The following SLC30A6 variants were observed in gnomAD, a reference collection of about 807,000 sequenced individuals.
The protein encoded by SLC30A6 is zinc transporter 6.
In SLC30A6, 55 loss-of-function variants were observed where a neutral mutation model predicts 63.0. That is an observed-to-expected ratio of 0.87 (90% CI 0.70 to 1.09). The LOEUF is 1.09. Ranked by LOEUF, SLC30A6 falls within the 50% of genes least tolerant of loss-of-function variation. SLC30A6 has a pLI of 0.00. For missense variants in SLC30A6, 587 were observed against 549.2 expected (o/e 1.07, Z -0.69); for synonymous variants, 224 against 186.1 (o/e 1.20, Z -1.66).
chr2:32,212,339 C>G (rs1216002303), intron 13 of SLC30A6, among the ~76,000 whole-genome samples: 1 of 151,888 alleles, frequency 6.6e-6, no homozygotes, highest in Non-Finnish European at 1.5e-5. Flanking sequence ...GTAGTTTTAT[C>G]TGTCTGGTGA....
chr2:32,182,422 T>C (rs1023109653), intron 4 of SLC30A6, among the ~76,000 whole-genome samples: 2 of 152,108 alleles, frequency 1.3e-5, no homozygotes, highest in Non-Finnish European at 2.9e-5. Context: ...TCATGATGAG[T>C]GTGAAGTACT....
intron 13 of SLC30A6, among the ~76,000 whole-genome samples, chr2:32,213,828 G>A (rs1424186684): frequency 7.7e-6 from 1 of 129,194 alleles, no homozygotes; most frequent in East Asian, 2.1e-4. Flanking sequence ...TTTTGAGACG[G>A]AGTCTCACAC....
chr2:32,202,571 T>G, intron 10 of SLC30A6: 1 of 384,970 alleles, frequency 2.6e-6, no homozygotes, highest in Non-Finnish European at 4.9e-6. Context: ...GACCTTGTGA[T>G]CTGCCCATCT....
intron 12 of SLC30A6, among the ~76,000 whole-genome samples, chr2:32,208,834 T>C (rs1685011675): frequency 6.6e-6 from 1 of 152,216 alleles, no homozygotes; most frequent in African/African-American, 2.4e-5. Flanking sequence ...TTTAAGTTGT[T>C]ACAAATTTCC....
intron 5 of SLC30A6, among the ~76,000 whole-genome samples, chr2:32,191,772 C>A (rs972485503): frequency 6.6e-6 from 1 of 151,914 alleles, no homozygotes; most frequent in African/African-American, 2.4e-5. Context: ...TGCCTGTAGT[C>A]CCATCTACTC....
intron 4 of SLC30A6, among the ~76,000 whole-genome samples, chr2:32,178,058 C>T (rs768471156): frequency 3.3e-5 from 5 of 151,510 alleles, no homozygotes; most frequent in Non-Finnish European, 7.4e-5. Context: ...TGCCATTCTC[C>T]TGCCTCAGCC....
intron 1 of SLC30A6, among the ~76,000 whole-genome samples, chr2:32,167,073 C>G (rs1441295897): frequency 6.6e-6 from 1 of 151,836 alleles, no homozygotes; most frequent in Non-Finnish European, 1.5e-5. Flanking sequence ...TTTACAGCCT[C>G]TTTTTTTGTT....
chr2:32,197,293 A>G (rs749455286), intron 8 of SLC30A6, 51 bp from the exon 9 acceptor site: 16 of 1,470,920 alleles, frequency 1.1e-5, no homozygotes, highest in Non-Finnish European at 1.5e-5. Context: ...TATTTCAGGT[A>G]GTGGTTTTTT....
intron 5 of SLC30A6, among the ~76,000 whole-genome samples, chr2:32,190,954 A>G (rs1683273957): frequency 6.6e-6 from 1 of 152,134 alleles, no homozygotes; most frequent in African/African-American, 2.4e-5. Context: ...CATTTTTCAC[A>G]AATCAGTGGA....
intron 8 of SLC30A6, among the ~76,000 whole-genome samples, chr2:32,196,825 C>T (rs1296470435): frequency 5.3e-5 from 8 of 152,130 alleles, no homozygotes; most frequent in African/African-American, 1.9e-4. Context: ...CTTTGGGAGG[C>T]CGAGGCAGGT....
At position 32,176,772 on chromosome 2, in the gene SLC30A6, C is replaced by A. The variant is rs1198487519; in HGVS notation, c.218+1411C>A. On this transcript the variant is annotated intron_variant, in intron 4 of 13. Coordinates refer to ENST00000282587, the MANE Select transcript of SLC30A6 (RefSeq NM_017964.5). ...ACCATAATTAACTTTACAATATTTT[C>A]TTTCTTTTTTTTTTCTTTGAGACGG... Among the ~76,000 whole-genome samples the A allele has an allele frequency of 5.9e-5, 9 of 151,390 alleles. No individual in the cohort carries two copies. The South Asian group carries it at 1.7e-3, about 28-fold the overall frequency.
At chr2:32,171,485 T>A in intron 2 of SLC30A6, 112 bp downstream of exon 2, 1 of 731,402 alleles carries the variant, frequency 1.4e-6, no homozygotes, top group Non-Finnish European at 2.2e-6. Context: ...CCACACTGTT[T>A]TCATTTTTCT....
chr2:32,174,895 C>T (rs1021253335), intron 3 of SLC30A6, among the ~76,000 whole-genome samples: 9 of 152,068 alleles, frequency 5.9e-5, no homozygotes, highest in African/African-American at 2.2e-4. Flanking sequence ...TTAATTTATG[C>T]AGTTTGTAAG....
At chr2:32,174,578 G>A (rs1042230132) in intron 3 of SLC30A6, among the ~76,000 whole-genome samples, 2 of 99,758 alleles carry the variant, frequency 2.0e-5, no homozygotes, top group African/African-American at 8.1e-5. Flanking sequence ...TTTTTGAGAC[G>A]GAGTCTCACT....
At position 32,222,392 on chromosome 2, in the gene SLC30A6, A is replaced by T. The variant is rs1181897253; in HGVS notation, c.*1679A>T. On this transcript the variant is annotated 3_prime_UTR_variant, in exon 14 of 14. Coordinates refer to ENST00000282587, the MANE Select transcript of SLC30A6 (RefSeq NM_017964.5). ...GCCATCAGCCAGCTATCTAGAGAAG[A>T]TTTTTGTTTTTCTTTTGCAACAGTT... is the stretch of plus-strand genomic sequence containing the variant. The T allele has an allele frequency of 6.6e-6, 1 of 152,120 alleles. No individual in the cohort carries two copies. Among genetic ancestry groups the T allele is most frequent in the African/African-American group, 2.4e-5 (1 of 41,418 alleles). 9.4% of individuals were successfully genotyped at this position (152,120 alleles called of 1,614,324 possible).
At chr2:32,169,605 C>G (rs72863940) in intron 1 of SLC30A6, among the ~76,000 whole-genome samples, 1 of 152,078 alleles carries the variant, frequency 6.6e-6, no homozygotes, top group South Asian at 2.1e-4. Context: ...GGTGAAACCC[C>G]GTCTCTACTA....
chr2:32,201,850 A>G, intron 10 of SLC30A6: 1 of 1,440,184 alleles, frequency 6.9e-7, no homozygotes, highest in Non-Finnish European at 9.7e-7. Flanking sequence ...GAAATCAGAA[A>G]CAAGAGAAAA....
chr2:32,194,040 GCCTTTTGTT>G, intron 8 of SLC30A6, 57 bp downstream of exon 8: 1 of 1,427,238 alleles, frequency 7.0e-7, no homozygotes, highest in Non-Finnish European at 9.7e-7. Context: ...ATAAAAACAA[GCCTTTTGTT>G]TGTTTCGTTC....
At chr2:32,193,132 A>G (rs1683486429) in intron 7 of SLC30A6, among the ~76,000 whole-genome samples, 179 bp downstream of exon 7, 1 of 152,136 alleles carries the variant, frequency 6.6e-6, no homozygotes, top group Non-Finnish European at 1.5e-5. Flanking sequence ...ACAGTTCCCA[A>G]GTTCTAAATA....
Sources: allele counts gnomAD v4.1 joint callset (sites outside exome capture counted in the v4.1 genomes callset), GRCh38; gene constraint gnomAD v4.1.1; transcripts MANE v1.5; gene names NCBI Gene and HGNC (gene_info 2026-07-23, HGNC 2026-07-21).